Variants in PPM1L observed in about 807,000 individuals in gnomAD.
PPM1L encodes protein phosphatase 1L.
Under a neutral mutation model 31.4 loss-of-function variants are expected in PPM1L, and 13 were observed. That is an observed-to-expected ratio of 0.41 (90% CI 0.27 to 0.66). The LOEUF is 0.66. Ranked by LOEUF, PPM1L falls within the 30% of genes least tolerant of loss-of-function variation. The pLI is 0.29. For missense variants in PPM1L, 326 were observed against 453.7 expected (o/e 0.72, Z 2.56); for synonymous variants, 184 against 175.4 (o/e 1.05, Z -0.39).
chr3:160,958,966 T>G (rs7653744), intron 1 of PPM1L, among the ~76,000 whole-genome samples: 130,215 of 152,160 alleles, frequency 0.86, 55,895 homozygotes, highest in Middle Eastern at 0.92. Context: ...CAAAGGAAAA[T>G]AAGTTATTAT....
intron 3 of PPM1L, 26 bp from the exon 4 acceptor site, chr3:161,068,785 C>G (rs1359780003): frequency 6.4e-7 from 1 of 1,574,348 alleles, no homozygotes; most frequent in African/African-American, 1.4e-5. Flanking sequence ...GCTGGTCAAA[C>G]TAATGGGCTC....
At chr3:160,781,072 A>G (rs984381355) in intron 1 of PPM1L, among the ~76,000 whole-genome samples, 2 of 152,164 alleles carry the variant, frequency 1.3e-5, no homozygotes, top group Non-Finnish European at 2.9e-5. Context: ...GGAAGTACAC[A>G]TATTAACAGG....
chr3:160,785,194 T>C (rs998877986), intron 1 of PPM1L, among the ~76,000 whole-genome samples: 7 of 152,234 alleles, frequency 4.6e-5, no homozygotes, highest in Admixed American at 6.5e-5. Flanking sequence ...AGAAGTGTGC[T>C]TCACAGTCTA....
chr3:160,781,602 A>G (rs1028158277), intron 1 of PPM1L, among the ~76,000 whole-genome samples: 1 of 152,200 alleles, frequency 6.6e-6, no homozygotes, highest in Non-Finnish European at 1.5e-5. Flanking sequence ...GGAAGGCTGC[A>G]CAATGCTGGG....
At chr3:160,837,714 A>G (rs1713761336) in intron 1 of PPM1L, among the ~76,000 whole-genome samples, 1 of 152,146 alleles carries the variant, frequency 6.6e-6, no homozygotes, top group South Asian at 2.1e-4. Context: ...CTCGGGTGGG[A>G]CCCTTGGAGG....
At chr3:160,802,067 G>A (rs1712446613) in intron 1 of PPM1L, among the ~76,000 whole-genome samples, 1 of 152,142 alleles carries the variant, frequency 6.6e-6, no homozygotes, top group Admixed American at 6.5e-5. Context: ...GTCGGGTTCT[G>A]CCCAACATCC....
rs567605663 is a variant in PPM1L at position 160,909,338 on chromosome 3, T to G, written c.400-52398T>G. On this transcript the variant is annotated intron_variant, in intron 1 of 3. Coordinates refer to ENST00000498165, the MANE Select transcript of PPM1L (RefSeq NM_139245.4). ...TAAGTGCTGATAATAGACTTGGGGGTTTCTTGATTTCTGTTTGGAGTAATT... is the reference window on the plus strand; with the variant it reads ...TAAGTGCTGATAATAGACTTGGGGGGTTCTTGATTTCTGTTTGGAGTAATT... Among the ~76,000 whole-genome samples the G allele has an allele frequency of 2.6e-5, 4 of 151,980 alleles. 1 individual carries two copies. The South Asian group carries it at 8.3e-4, about 32-fold the overall frequency.
At chr3:160,819,041 A>G (rs773676376) in intron 1 of PPM1L, among the ~76,000 whole-genome samples, 32 of 152,056 alleles carry the variant, frequency 2.1e-4, no homozygotes, top group African/African-American at 7.5e-4. Flanking sequence ...ACTTGGTGGT[A>G]AAGTTGAGCA....
chr3:160,986,240 C>G (rs1304785312), intron 2 of PPM1L, among the ~76,000 whole-genome samples: 1 of 152,132 alleles, frequency 6.6e-6, no homozygotes, highest in Non-Finnish European at 1.5e-5. Flanking sequence ...CCCACTTTTG[C>G]TACCCATGCC....
At chr3:160,870,369 A>G (rs1712260249) in intron 1 of PPM1L, among the ~76,000 whole-genome samples, 1 of 152,236 alleles carries the variant, frequency 6.6e-6, no homozygotes. Context: ...TAATGAAGAC[A>G]TCAGAACTAG....
intron 1 of PPM1L, among the ~76,000 whole-genome samples, chr3:160,797,603 A>G (rs1455205593): frequency 6.6e-6 from 1 of 152,250 alleles, no homozygotes; most frequent in African/African-American, 2.4e-5. Flanking sequence ...TGAATGCAAA[A>G]GAAAAGTTCT....
chr3:160,952,416 C>T (rs930990239), intron 1 of PPM1L, among the ~76,000 whole-genome samples: 1 of 152,208 alleles, frequency 6.6e-6, no homozygotes, highest in Non-Finnish European at 1.5e-5. Flanking sequence ...TCCCTTCTCT[C>T]TTCTTTCTTG....
Position 161,065,548 on chromosome 3 carries a change from G to A in PPM1L, c.720G>A (p.Lys240=), listed in dbSNP as rs1719713465. ...DHKPYQLKER[K]RIKRAGGFIS... is the part of the protein sequence containing the mutation. ...AGCCTTACCAGTTGAAGGAAAGAAA[G>A]AGGATAAAGAGAGCAGGTGAGCTTG... Residue 240 remains lysine, a synonymous_variant, in exon 3 of 4, where the codon AAG becomes AAA. Transcript: ENST00000498165. 6.2e-7 allele frequency: 1 copy of A among 1,613,814 alleles called. No homozygotes were observed. The highest frequency in any genetic ancestry group is 8.5e-7 in the Non-Finnish European group (1 of 1,179,874).
intron 1 of PPM1L, among the ~76,000 whole-genome samples, chr3:160,946,890 A>C (rs965573316): frequency 2.6e-5 from 4 of 152,206 alleles, no homozygotes; most frequent in Non-Finnish European, 5.9e-5. Flanking sequence ...ATTTTAGCCC[A>C]CAGTTCCCTT....
intron 1 of PPM1L, among the ~76,000 whole-genome samples, chr3:160,797,980 C>T (rs1182594408): frequency 6.6e-6 from 1 of 152,126 alleles, no homozygotes; most frequent in Non-Finnish European, 1.5e-5. Flanking sequence ...GAGATGAAGA[C>T]CGTCCTGGCC....
At chr3:160,981,751 T>G (rs1212520127) in intron 2 of PPM1L, among the ~76,000 whole-genome samples, 1 of 149,746 alleles carries the variant, frequency 6.7e-6, no homozygotes, top group East Asian at 1.9e-4. Context: ...TTTATTTATT[T>G]ATTTATTTAT....
chr3:160,825,217 C>CAA (rs1713317002), intron 1 of PPM1L, among the ~76,000 whole-genome samples: 1 of 151,908 alleles, frequency 6.6e-6, no homozygotes, highest in Middle Eastern at 3.2e-3. Context: ...TTCTATTTGT[C>CAA]TACATTTTGC....
chr3:160,924,704 G>T (rs1279707482), intron 1 of PPM1L, among the ~76,000 whole-genome samples: 1 of 152,186 alleles, frequency 6.6e-6, no homozygotes, highest in Admixed American at 6.5e-5. Context: ...CAATCTCAAT[G>T]TAATATATAG....
chr3:161,062,074 G>A (rs1719588644), intron 2 of PPM1L, among the ~76,000 whole-genome samples: 1 of 151,936 alleles, frequency 6.6e-6, no homozygotes, highest in South Asian at 2.1e-4. Flanking sequence ...CACACTTCTG[G>A]GAAACACATA....
Sources: gnomAD v4.1 joint callset for allele counts (sites outside exome capture counted in the v4.1 genomes callset) on GRCh38, gnomAD v4.1.1 for gene constraint, MANE v1.5 for transcripts, NCBI Gene and HGNC (gene_info 2026-07-23, HGNC 2026-07-21) for gene names.